CSGALNACT1: variants seen among roughly 807,000 people sequenced by gnomAD.
CSGALNACT1 encodes beta4GalNAcT-1.
CSGALNACT1 carries 52 observed loss-of-function variants against 51.0 expected under a neutral mutation model. The observed-to-expected ratio is 1.02, with a 90% CI of 0.82 to 1.29. CSGALNACT1 has a LOEUF of 1.29. CSGALNACT1 is among the 50% of genes most tolerant of loss of function. CSGALNACT1 has a pLI of 0.00. For missense variants in CSGALNACT1, 935 were observed against 679.2 expected (o/e 1.38, Z -4.19); for synonymous variants, 341 against 254.4 (o/e 1.34, Z -3.24).
At chr8:19,457,096 C>T (rs912423429) in intron 5 of CSGALNACT1, among the ~76,000 whole-genome samples, 2 of 152,134 alleles carry the variant, frequency 1.3e-5, no homozygotes, top group Non-Finnish European at 2.9e-5. Context: ...ACACACATTG[C>T]CTAGAGAACC....
intron 3 of CSGALNACT1, among the ~76,000 whole-genome samples, chr8:19,544,593 T>A (rs1214841403): frequency 6.6e-6 from 1 of 152,196 alleles, no homozygotes; most frequent in African/African-American, 2.4e-5. Flanking sequence ...ACCTCTCTGG[T>A]GTTCAGAATT....
chr8:19,708,158 G>A, intron 1 of CSGALNACT1, among the ~76,000 whole-genome samples: 1 of 152,326 alleles, frequency 6.6e-6, no homozygotes, highest in Non-Finnish European at 1.5e-5. Context: ...TGGTTCTGAG[G>A]TCAAGGTAAC....
At chr8:19,569,286 A>G (rs534358793) in intron 3 of CSGALNACT1, among the ~76,000 whole-genome samples, 1 of 152,324 alleles carries the variant, frequency 6.6e-6, no homozygotes, top group African/African-American at 2.4e-5. Context: ...CTGTTAAGAT[A>G]GGTTTGAGAG....
At chr8:19,619,405 G>A (rs1044003613) in intron 1 of CSGALNACT1, among the ~76,000 whole-genome samples, 4 of 152,104 alleles carry the variant, frequency 2.6e-5, no homozygotes, top group African/African-American at 9.7e-5. Context: ...GCGAAGGGAT[G>A]GAGCCATGTC....
intron 6 of CSGALNACT1, among the ~76,000 whole-genome samples, chr8:19,435,174 A>G (rs765768413): frequency 1.3e-5 from 2 of 152,306 alleles, no homozygotes; most frequent in African/African-American, 4.8e-5. Context: ...AATGTGGTCA[A>G]TGCCAATTCA....
intron 1 of CSGALNACT1, among the ~76,000 whole-genome samples, chr8:19,636,942 C>G (rs2056149711): frequency 6.6e-6 from 1 of 151,946 alleles, no homozygotes; most frequent in Admixed American, 6.6e-5. Flanking sequence ...CTTGTAATCG[C>G]ACTTTGGGAG....
intron 3 of CSGALNACT1, among the ~76,000 whole-genome samples, chr8:19,578,622 G>C (rs1195078059): frequency 6.6e-6 from 1 of 152,058 alleles, no homozygotes; most frequent in Non-Finnish European, 1.5e-5. Context: ...ACATTTGTGG[G>C]TGTGTTAGAT....
At chr8:19,677,592 A>C (rs966066042) in intron 1 of CSGALNACT1, among the ~76,000 whole-genome samples, 1 of 152,342 alleles carries the variant, frequency 6.6e-6, no homozygotes, top group Admixed American at 6.5e-5. Context: ...GGGCCAGAGT[A>C]TGCACATTTT....
At chr8:19,456,826 A>C (rs533435554) in intron 5 of CSGALNACT1, among the ~76,000 whole-genome samples, 2 of 152,330 alleles carry the variant, frequency 1.3e-5, no homozygotes, top group South Asian at 2.1e-4. Flanking sequence ...GGGAATATGA[A>C]AAAGCTAAGG....
intron 3 of CSGALNACT1, among the ~76,000 whole-genome samples, chr8:19,526,798 G>A (rs2081803069): frequency 6.6e-6 from 1 of 152,118 alleles, no homozygotes; most frequent in Admixed American, 6.5e-5. Flanking sequence ...TATTTCATGA[G>A]TATAGCAAAA....
chr8:19,745,966 G>C (rs769471085), intron 1 of CSGALNACT1, among the ~76,000 whole-genome samples: 1 of 152,122 alleles, frequency 6.6e-6, no homozygotes, highest in Non-Finnish European at 1.5e-5. Context: ...CAATTACGAT[G>C]GATGAATGGT....
Position 19,609,430 on chromosome 8 carries a change from G to A in CSGALNACT1, c.-543-7565C>T, listed in dbSNP as rs185171095. 3.9e-3 allele frequency among the ~76,000 whole-genome samples: 586 copies of A among 150,834 alleles called. 1 individual carries two copies. The highest frequency in any genetic ancestry group is 0.013 in the African/African-American group (540 of 41,012). The stretch of plus-strand genomic sequence containing the variant: ...ATAAATATTTTTAAATCATTTCAAT[G>A]TGTTTTCATTCCACACCATAGCCAG... On this transcript the variant is annotated intron_variant, in intron 1 of 9. Coordinates refer to the CSGALNACT1 transcript ENST00000332246.
intron 1 of CSGALNACT1, among the ~76,000 whole-genome samples, chr8:19,681,980 A>C (rs905328251): frequency 1.3e-5 from 2 of 152,192 alleles, no homozygotes; most frequent in Admixed American, 6.5e-5. Flanking sequence ...ACCAGTTTGC[A>C]TAAGAGAGGT....
chr8:19,488,307 G>T (rs112119790), intron 4 of CSGALNACT1, among the ~76,000 whole-genome samples: 2 of 149,496 alleles, frequency 1.3e-5, no homozygotes, highest in South Asian at 4.2e-4. Flanking sequence ...CTGAGCTCAT[G>T]CCACTGCACT....
chr8:19,425,847 G>T (rs996574588), intron 6 of CSGALNACT1, among the ~76,000 whole-genome samples: 1 of 152,208 alleles, frequency 6.6e-6, no homozygotes, highest in East Asian at 1.9e-4. Flanking sequence ...TACGCGCTCT[G>T]CATCTACTCC....
chr8:19,627,993 G>A (rs1191608763), intron 1 of CSGALNACT1, among the ~76,000 whole-genome samples: 1 of 152,154 alleles, frequency 6.6e-6, no homozygotes, highest in Non-Finnish European at 1.5e-5. Flanking sequence ...GGAACTCTCT[G>A]TACTATTTTT....
chr8:19,668,151 C>G (rs2059530986), intron 1 of CSGALNACT1, among the ~76,000 whole-genome samples: 1 of 152,124 alleles, frequency 6.6e-6, no homozygotes, highest in Non-Finnish European at 1.5e-5. Context: ...ATAGATTTTT[C>G]CTATATTTTG....
chr8:19,442,392 A>T (rs1256027726), intron 5 of CSGALNACT1, among the ~76,000 whole-genome samples: 2 of 152,190 alleles, frequency 1.3e-5, no homozygotes, highest in African/African-American at 4.8e-5. Context: ...TGCAGCCATA[A>T]AAAAATGAAG....
intron 4 of CSGALNACT1, among the ~76,000 whole-genome samples, chr8:19,486,659 C>G (rs1418487415): frequency 6.6e-6 from 1 of 152,178 alleles, no homozygotes; most frequent in Non-Finnish European, 1.5e-5. Context: ...ATCACCTACT[C>G]AATGAGACCT....
Sources: allele counts gnomAD v4.1 joint callset (sites outside exome capture counted in the v4.1 genomes callset), GRCh38; gene constraint gnomAD v4.1.1; transcripts MANE v1.5; gene names NCBI Gene and HGNC (gene_info 2026-07-23, HGNC 2026-07-21).